The following FCGR1A variants were observed in gnomAD, a reference collection of about 807,000 sequenced individuals.
FCGR1A encodes Fc gamma receptor Ia, also known as high affinity immunoglobulin gamma Fc receptor I.
FCGR1A carries 13 observed loss-of-function variants against 35.0 expected under a neutral mutation model. That is an observed-to-expected ratio of 0.37 (90% CI 0.24 to 0.59). The LOEUF (loss-of-function observed/expected upper bound fraction) is 0.59, where lower values mean the gene tolerates loss of function less well. Among genes scored for constraint, FCGR1A ranks in the 20% least tolerant of loss-of-function variants. FCGR1A has a pLI of 0.71. For synonymous variants in FCGR1A, 91 were observed against 164.7 expected, an observed-to-expected ratio of 0.55 and a Z score of 3.43; for missense variants, 227 against 430.0, an observed-to-expected ratio of 0.53 and a Z score of 4.17.
In FCGR1A at chr1:149,788,539, A is replaced by C. The variant is rs782561800; in HGVS notation, c.481A>C (p.Ser161Arg). The change falls in exon 4 of 6, where the codon AGT becomes CGT. Residue 161 changes from serine (S) to arginine (R), a missense_variant. By Grantham distance (110) the Ser-to-Arg change is moderately radical. Coordinates refer to ENST00000369168, the MANE Select transcript of FCGR1A (RefSeq NM_000566.4). ...CCTCACCATTCTGAAAACCAACATAAGTCACAATGGCACCTACCATTGCTC... is the reference window on the plus strand; with the variant it reads ...CCTCACCATTCTGAAAACCAACATACGTCACAATGGCACCTACCATTGCTC... ...SNLTILKTNI[S>R]HNGTYHCSGM... The C allele has an allele frequency of 2.2e-5, 35 of 1,613,828 alleles. No individual in the cohort carries two copies. The highest frequency in any genetic ancestry group is 3.0e-5 in the Non-Finnish European group (35 of 1,179,866).
At position 149,790,192 on chromosome 1, in the gene FCGR1A, G is replaced by A. The variant is rs1553751552; in HGVS notation, c.698G>A (p.Ser233Asn). ...LQLYFSFYMGSKTLRGRNTSS... is the reference protein window; with the variant it reads ...LQLYFSFYMGNKTLRGRNTSS... ...CTTTACTTCTCCTTCTACATGGGCA[G>A]CAAGACCCTGCGAGGCAGGAACACA... The change falls in exon 5 of 6, where the codon AGC (serine) becomes AAC (asparagine). Residue 233 changes from serine (S) to asparagine (N), a missense_variant. By Grantham distance (46) the Ser-to-Asn change is conservative (BLOSUM62 1). Coordinates refer to ENST00000369168, the MANE Select transcript of FCGR1A (RefSeq NM_000566.4). 1 of 1,613,846 alleles carries A rather than the reference G, an allele frequency of 6.2e-7. No individual in the cohort carries two copies. Among genetic ancestry groups the A allele is most frequent in the African/African-American group, 1.3e-5 (1 of 75,030 alleles).
chr1:149,788,651 C>A (rs368574894), intron 4 of FCGR1A, 34 bp downstream of exon 4: 2 of 1,613,384 alleles, frequency 1.2e-6, no homozygotes, highest in Non-Finnish European at 1.7e-6. Flanking sequence ...AACTGATAGT[C>A]CCTCCCCCTG....
chr1:149,787,248 C>T (rs593678), intron 3 of FCGR1A: 17 of 152,318 alleles, frequency 1.1e-4, no homozygotes, highest in African/African-American at 4.1e-4. Flanking sequence ...GAAACACCTG[C>T]CTTCCATTCT....
chr1:149,795,941 A>G (rs1414615881), downstream of FCGR1A, among the ~76,000 whole-genome samples: 1 of 151,176 alleles, frequency 6.6e-6, no homozygotes, highest in Non-Finnish European at 1.5e-5. Flanking sequence ...AGACACATAT[A>G]CATTAAGCTT....
chr1:149,799,273 A>T, the FCGR1A span, among the ~76,000 whole-genome samples: 1 of 151,224 alleles, frequency 6.6e-6, no homozygotes, highest in African/African-American at 2.4e-5. Context: ...GTGTCTTCTT[A>T]TATCCAGTGG....
At chr1:149,798,952 A>G in the FCGR1A span, among the ~76,000 whole-genome samples, 14 of 148,190 alleles carry the variant, frequency 9.4e-5, no homozygotes, top group African/African-American at 3.0e-4. Context: ...TCTATATCCT[A>G]TTTATTTATA....
intron 3 of FCGR1A, 46 bp from the exon 4 acceptor site, chr1:149,788,320 G>A (rs1373131694): frequency 1.9e-6 from 3 of 1,611,810 alleles, no homozygotes; most frequent in Admixed American, 1.7e-5. Context: ...GGGCCTCCTT[G>A]TACCTCCTCC....
At chr1:149,786,607 C>T (rs1307974768) in intron 3 of FCGR1A, 3 of 152,070 alleles carry the variant, frequency 2.0e-5, no homozygotes, top group South Asian at 2.1e-4. Context: ...TTGGTGGACC[C>T]GAGCCCTAAT....
downstream of FCGR1A, chr1:149,793,027 C>T (rs1448994995): frequency 7.1e-6 from 9 of 1,262,988 alleles, no homozygotes; most frequent in East Asian, 4.5e-4. Context: ...CCGCCCCGGG[C>T]CCGCCAGCTC....
chr1:149,793,568 G>T (rs587714079), downstream of FCGR1A, among the ~76,000 whole-genome samples: 1 of 152,096 alleles, frequency 6.6e-6, no homozygotes, highest in East Asian at 1.9e-4. Flanking sequence ...TGGTGGGGTG[G>T]AGGAATCTTT....
In FCGR1A at chr1:149,791,521, C is replaced by T. The variant is rs782080002; in HGVS notation, c.*4C>T. 2.0e-5 allele frequency: 33 copies of T among 1,610,380 alleles called. No individual in the cohort carries two copies. The highest frequency in any genetic ancestry group is 4.0e-5 in the African/African-American group (3 of 74,246). On this transcript the variant is annotated 3_prime_UTR_variant, in exon 6 of 6. Transcript: ENST00000369168. ...GGAGCCCCAGGGGGCCACGTAGCAGCGGCTCAGTGGGTGGCCATCGATCTG... is the reference window on the plus strand; with the variant it reads ...GGAGCCCCAGGGGGCCACGTAGCAGTGGCTCAGTGGGTGGCCATCGATCTG...
chr1:149,785,407 C>CTTT (rs1553750700), intron 3 of FCGR1A, among the ~76,000 whole-genome samples: 1 of 74,544 alleles, frequency 1.3e-5, no homozygotes, highest in African/African-American at 4.6e-5. Context: ...AGAGCTGTTT[C>CTTT]GTTTTTTTTT....
chr1:149,796,064 T>C (rs1233023552), downstream of FCGR1A, among the ~76,000 whole-genome samples: 1 of 151,862 alleles, frequency 6.6e-6, no homozygotes, highest in Non-Finnish European at 1.5e-5. Context: ...GGCAGGAAAA[T>C]GGGAACAAAT....
At chr1:149,798,852 A>G in the FCGR1A span, among the ~76,000 whole-genome samples, 76 of 152,102 alleles carry the variant, frequency 5.0e-4, no homozygotes, top group Non-Finnish European at 7.5e-4. Context: ...GCTTCAAGTG[A>G]TCCTCCTGCC....
intron 5 of FCGR1A, 47 bp downstream of exon 5, chr1:149,790,385 C>T (rs1258585726): frequency 3.2e-6 from 5 of 1,556,716 alleles, no homozygotes; most frequent in South Asian, 1.2e-5. Context: ...AAGGGACTCC[C>T]TTATCTCCCA....
the FCGR1A span, among the ~76,000 whole-genome samples, chr1:149,799,049 G>T: frequency 6.3e-4 from 89 of 141,764 alleles, 1 homozygote; most frequent in East Asian, 0.016. Flanking sequence ...TGAATTCCAG[G>T]TTTTCTTTTT....
chr1:149,790,925 A>G (rs1166461250), intron 5 of FCGR1A, among the ~76,000 whole-genome samples: 6 of 151,604 alleles, frequency 4.0e-5, no homozygotes, highest in Admixed American at 1.3e-4. Flanking sequence ...CTTGGGGGGG[A>G]AAAAAGTTCA....
downstream of FCGR1A, among the ~76,000 whole-genome samples, chr1:149,793,774 G>A (rs1283748082): frequency 6.6e-6 from 1 of 151,790 alleles, no homozygotes; most frequent in East Asian, 1.9e-4. Flanking sequence ...ATTCATCCTA[G>A]GGCCACAAGA....
At chr1:149,800,214 T>C in the FCGR1A span, among the ~76,000 whole-genome samples, 1 of 152,198 alleles carries the variant, frequency 6.6e-6, no homozygotes, top group Non-Finnish European at 1.5e-5. Context: ...GGAAGGAGCA[T>C]GGAGCTTCCA....
Sources: allele counts gnomAD v4.1 joint callset (sites outside exome capture counted in the v4.1 genomes callset), GRCh38; gene constraint gnomAD v4.1.1; transcripts MANE v1.5; gene names NCBI Gene and HGNC (gene_info 2026-07-23, HGNC 2026-07-21).